The following JADE2 variants were observed in gnomAD, a reference collection of about 807,000 sequenced individuals.
JADE2 encodes the protein E3 ubiquitin-protein ligase Jade-2.
In JADE2, 13 loss-of-function variants were observed where a neutral mutation model predicts 85.7. The ratio of observed to expected loss-of-function variants is 0.15; its 90% CI spans 0.10 to 0.24. The LOEUF (loss-of-function observed/expected upper bound fraction) is 0.24. Among genes scored for constraint, JADE2 ranks in the 10% least tolerant of loss-of-function variants. JADE2 has a pLI of 1.00. For missense variants in JADE2, 846 were observed against 1,115.9 expected (o/e 0.76, Z 3.45); for synonymous variants, 440 against 456.1 (o/e 0.96, Z 0.45).
chr5:134,562,415 A>G lies in JADE2; in HGVS notation c.852+48A>G. The G allele has an allele frequency of 6.4e-7, 1 of 1,551,594 alleles. No homozygotes were observed. The highest frequency in any genetic ancestry group is 1.8e-4 in the Middle Eastern group (1 of 5,686). On this transcript the variant is annotated intron_variant, in intron 7 of 11. Coordinates refer to ENST00000681547, the MANE Select transcript of JADE2 (RefSeq NM_001388185.1). This position sits in a 1 kb window ranked among gnomAD's most constrained non-coding sequence, Gnocchi z 4.6. ...CAGCCCAAGGAATAGCCCGTGGGGA[A>G]GTGGGTCTGCATGGGACTCAGGTAG...
chr5:134,526,683 A>C (rs948346602), intron 1 of JADE2: 2 of 985,348 alleles, frequency 2.0e-6, no homozygotes, highest in Non-Finnish European at 2.4e-6. Flanking sequence ...CGGGGGCAGC[A>C]TGCTCGGCTC....
chr5:134,545,723 C>T (rs999140252), intron 3 of JADE2, among the ~76,000 whole-genome samples: 1 of 152,098 alleles, frequency 6.6e-6, no homozygotes, highest in African/African-American at 2.4e-5. Flanking sequence ...TTAGGAGCCA[C>T]GATATATGTA....
At chr5:134,537,546 G>T (rs1309660863) in intron 2 of JADE2, among the ~76,000 whole-genome samples, 1 of 152,224 alleles carries the variant, frequency 6.6e-6, no homozygotes, top group Non-Finnish European at 1.5e-5. Flanking sequence ...CTCTGCTGAT[G>T]ACCTGGATCT....
In JADE2 at chr5:134,566,333, G is replaced by T; in HGVS notation, c.1187G>T (p.Arg396Leu). ...GAAAAGGTGACCCTGCGCAAGCAGCGGCTGCAGCAGCTAGAGGAGGACTTC... is the reference window on the plus strand; with the variant it reads ...GAAAAGGTGACCCTGCGCAAGCAGCTGCTGCAGCAGCTAGAGGAGGACTTC... ...DLEKVTLRKQ[R>L]LQQLEEDFYE... Residue 396 changes from arginine (R) to leucine (L), a missense_variant, in exon 9 of 12, where the codon CGG (arginine) becomes CTG (leucine). Physicochemically the swap from Arg to Leu is moderately radical, Grantham distance 102. Around this residue, in one of 9 missense-constraint regions of JADE2, gnomAD observed 88 missense variants for 140.6 expected, o/e 0.63. Coordinates refer to ENST00000681547, the MANE Select transcript of JADE2 (RefSeq NM_001388185.1). This position sits in a 1 kb window ranked among gnomAD's most constrained non-coding sequence, Gnocchi z 6.7. 1 of 1,614,004 alleles carries T rather than the reference G, an allele frequency of 6.2e-7. No homozygotes were observed. The highest frequency in any genetic ancestry group is 8.5e-7 in the Non-Finnish European group (1 of 1,180,002).
intron 10 of JADE2, 138 bp downstream of exon 10, chr5:134,573,900 T>C (rs745596336): frequency 2.1e-5 from 16 of 747,108 alleles, no homozygotes; most frequent in Non-Finnish European, 3.7e-5. Flanking sequence ...ACTCCTACCC[T>C]TCACCATCCA....
At chr5:134,552,987 CTTTTT>C (rs34182692) in intron 4 of JADE2, among the ~76,000 whole-genome samples, 11 of 62,420 alleles carry the variant, frequency 1.8e-4, no homozygotes, top group Admixed American at 1.3e-3. Flanking sequence ...TGGGCCTGGC[CTTTTT>C]TTTTTTTTTT....
chr5:134,524,559 T>A (rs937531588), upstream of JADE2: 2 of 152,582 alleles, frequency 1.3e-5, no homozygotes, highest in Non-Finnish European at 2.9e-5. Context: ...TTCGGGGTAA[T>A]GGGAAGGAAG....
chr5:134,536,985 G>A (rs1761631789), intron 2 of JADE2, among the ~76,000 whole-genome samples: 1 of 152,156 alleles, frequency 6.6e-6, no homozygotes, highest in Admixed American at 6.5e-5. Context: ...GTTGTCCTTT[G>A]GGCTCTGTTT....
chr5:134,524,594 G>A (rs896061216), upstream of JADE2, among the ~76,000 whole-genome samples: 1 of 152,224 alleles, frequency 6.6e-6, no homozygotes, highest in African/African-American at 2.4e-5. Flanking sequence ...GGTCGCCCCG[G>A]GGCAAAATCC....
chr5:134,567,517 G>A (rs561874487), intron 9 of JADE2, among the ~76,000 whole-genome samples: 519 of 152,258 alleles, frequency 3.4e-3, no homozygotes, highest in Non-Finnish European at 5.0e-3. Context: ...ATATGGGACC[G>A]TGTCACAGTG....
chr5:134,526,174 G>T (rs553397092), intron 1 of JADE2, 163 bp downstream of exon 1: 25 of 985,418 alleles, frequency 2.5e-5, no homozygotes, highest in Admixed American at 1.8e-4. Context: ...GCGCGGAGAG[G>T]GGGGGGATGC....
chr5:134,536,591 T>G (rs1761601918), intron 2 of JADE2: 1 of 151,484 alleles, frequency 6.6e-6, no homozygotes, highest in African/African-American at 2.4e-5. Context: ...AGAAGGGAGG[T>G]TTATGCAAAG....
Position 134,535,881 on chromosome 5 carries a change from C to T in JADE2, c.24C>T (p.Tyr8=). The T allele has an allele frequency of 6.2e-7, 1 of 1,613,984 alleles. No homozygotes were observed. The highest frequency in any genetic ancestry group is 8.5e-7 in the Non-Finnish European group (1 of 1,179,880). MEEKRRK[Y]SISSDNSDTT... is the part of the protein sequence containing the mutation. ...AGATGGAAGAGAAGAGGCGAAAATA[C>T]TCCATCAGCAGTGACAACTCTGACA... is the stretch of plus-strand genomic sequence containing the variant. The change falls in exon 2 of 12, where the codon TAC becomes TAT. Residue 8 remains tyrosine (Y), a synonymous_variant. Transcript: ENST00000681547.
chr5:134,525,888 G>A lies in JADE2; in HGVS notation c.-124G>A. ...CCTCGCCGCGACCCCGGATGGATGC[G>A]CGCCCCCCGCCCTCCCGCGCCGGCC... On this transcript the variant is annotated 5_prime_UTR_variant, in exon 1 of 12. Coordinates refer to ENST00000681547, the MANE Select transcript of JADE2 (RefSeq NM_001388185.1). 5 of 986,272 alleles carry A rather than the reference G, an allele frequency of 5.1e-6. No homozygotes were observed. Among genetic ancestry groups the A allele is most frequent in the Non-Finnish European group, 6.0e-6 (5 of 830,676 alleles). 61.1% of individuals were successfully genotyped at this position (986,272 alleles called of 1,614,324 possible). A position where few individuals can be genotyped will look rare whatever the true frequency, so the allele number is the denominator to read the frequency against.
intron 3 of JADE2, among the ~76,000 whole-genome samples, chr5:134,545,861 C>T (rs551791136): frequency 6.6e-6 from 1 of 152,204 alleles, no homozygotes; most frequent in South Asian, 2.1e-4. Context: ...TACAGACCTT[C>T]AAACTTTCCT....
Position 134,559,901 on chromosome 5 carries a change from A to C in JADE2, c.383A>C (p.Gln128Pro). 9 of 1,614,046 alleles carry C rather than the reference A, an allele frequency of 5.6e-6. No individual in the cohort carries two copies. The highest frequency in any genetic ancestry group is 6.8e-6 in the Non-Finnish European group (8 of 1,179,952). ...AGCACCATGCTTGGTGAGGGCTCCC[A>C]GCCTGATTGGCCAGGGGGCAGCCGC... ...PSSTMLGEGSQPDWPGGSRYD... is the reference protein window; with the variant it reads ...PSSTMLGEGSPPDWPGGSRYD... Residue 128 changes from glutamine to proline, a missense_variant, in exon 5 of 12, where the codon CAG becomes CCG. Physicochemically the swap from Gln to Pro is moderately conservative, Grantham distance 76 (BLOSUM62 -1). Coordinates refer to ENST00000681547, the MANE Select transcript of JADE2 (RefSeq NM_001388185.1).
In JADE2 at chr5:134,569,769, T is replaced by C. The variant is rs112152477; in HGVS notation, c.1434+3189T>C. On this transcript the variant is annotated intron_variant, in intron 9 of 11. Coordinates refer to ENST00000681547, the MANE Select transcript of JADE2 (RefSeq NM_001388185.1). ...GGAAGTGGGTCCTGGCCTCAGTGCCTGGATGGTGGTCCCTTTGGCCTCCCA... is the reference window on the plus strand; with the variant it reads ...GGAAGTGGGTCCTGGCCTCAGTGCCCGGATGGTGGTCCCTTTGGCCTCCCA... 4.2e-3 allele frequency among the ~76,000 whole-genome samples: 634 copies of C among 152,296 alleles called. 3 individuals are homozygous for C. Among genetic ancestry groups the C allele is most frequent in the African/African-American group, 0.015 (611 of 41,568 alleles).
At chr5:134,548,865 C>T (rs1042164496) in intron 3 of JADE2, among the ~76,000 whole-genome samples, 1 of 152,134 alleles carries the variant, frequency 6.6e-6, no homozygotes, top group African/African-American at 2.4e-5. Context: ...TGCTCAGAGG[C>T]GCTTGTTCAG....
chr5:134,551,920 A>G (rs1762614736), intron 3 of JADE2, 132 bp from the exon 4 acceptor site: 3 of 825,180 alleles, frequency 3.6e-6, no homozygotes, highest in Non-Finnish European at 6.2e-6. Flanking sequence ...GATTGCTTTT[A>G]TTTCGTCTTA....
Sources: allele counts gnomAD v4.1 joint callset (sites outside exome capture counted in the v4.1 genomes callset), GRCh38; gene constraint gnomAD v4.1.1; regional missense constraint gnomAD v4.1.1; non-coding constraint Gnocchi (gnomAD v3.1); transcripts MANE v1.5; gene names NCBI Gene and HGNC (gene_info 2026-07-23, HGNC 2026-07-21).